Variants in ALCAM observed in about 807,000 individuals in gnomAD.
The protein encoded by ALCAM is activated leukocyte cell adhesion molecule, also known as CD166 antigen.
A neutral mutation model predicts 70.9 loss-of-function variants in ALCAM; 30 were observed. The ratio of observed to expected loss-of-function variants is 0.42; its 90% CI spans 0.32 to 0.57. The LOEUF (loss-of-function observed/expected upper bound fraction) is 0.57. ALCAM is among the 20% of genes least tolerant of loss of function. The pLI is 0.11. For synonymous variants in ALCAM, 249 were observed against 242.5 expected, an observed-to-expected ratio of 1.03 and a Z score of -0.25; for missense variants, 591 against 695.1, an observed-to-expected ratio of 0.85 and a Z score of 1.68.
chr3:105,528,697 T>C (rs1259507337), intron 3 of ALCAM, among the ~76,000 whole-genome samples: 1 of 151,918 alleles, frequency 6.6e-6, no homozygotes, highest in Non-Finnish European at 1.5e-5. Context: ...CATGGGCACA[T>C]AGAGGAGAAC....
Position 105,575,240 on chromosome 3 carries a change from G to C in ALCAM, c.*789G>C, listed in dbSNP as rs2152637090. 1 of 152,664 alleles carries C rather than the reference G, an allele frequency of 6.6e-6. No individual in the cohort carries two copies. The highest frequency in any genetic ancestry group is 1.5e-5 in the Non-Finnish European group (1 of 67,996). The allele number at this position is 152,664 out of a possible 1,614,324, so 9.5% of individuals were successfully genotyped here. A position where few individuals can be genotyped will look rare whatever the true frequency, so the allele number is the denominator to read the frequency against. ...TTTTCTGTCAAAAGAAAAAACACAA[G>C]CATGTGTGAGAGACAGTTTGGAAAA... On this transcript the variant is annotated 3_prime_UTR_variant, in exon 16 of 16. Coordinates refer to ENST00000306107, the MANE Select transcript of ALCAM (RefSeq NM_001627.4).
rs933876582 is a variant in ALCAM at position 105,393,544 on chromosome 3, A to T, written c.73+26063A>T. 2.0e-4 allele frequency among the ~76,000 whole-genome samples: 31 copies of T among 152,016 alleles called. 2 individuals are homozygous for T. Among genetic ancestry groups the T allele is most frequent in the Admixed American group, 2.0e-3 (31 of 15,232 alleles). On this transcript the variant is annotated intron_variant, in intron 1 of 15. Transcript: ENST00000306107. ...GAGAAGTATTTCCTAAATTCTTGTG[A>T]TCCAGATAATTAGACCACAACCAAA...
At chr3:105,428,835 C>G (rs1186610396) in intron 1 of ALCAM, among the ~76,000 whole-genome samples, 1 of 151,858 alleles carries the variant, frequency 6.6e-6, no homozygotes, top group Non-Finnish European at 1.5e-5. Context: ...TGCTACTAGC[C>G]TGGAATTGGT....
intron 1 of ALCAM, among the ~76,000 whole-genome samples, chr3:105,513,838 G>T (rs1302714780): frequency 6.6e-6 from 1 of 152,060 alleles, no homozygotes; most frequent in South Asian, 2.1e-4. Context: ...GAAATTTTAT[G>T]TGCGCTTATG....
chr3:105,486,556 G>A (rs1938433144), intron 1 of ALCAM, among the ~76,000 whole-genome samples: 1 of 152,016 alleles, frequency 6.6e-6, no homozygotes, highest in South Asian at 2.1e-4. Context: ...ATTAGCTTTT[G>A]TTTTTAAAAA....
chr3:105,370,212 C>G (rs1559767784), intron 1 of ALCAM, among the ~76,000 whole-genome samples: 2 of 152,174 alleles, frequency 1.3e-5, no homozygotes, highest in Non-Finnish European at 2.9e-5. Flanking sequence ...AAAGCATCAA[C>G]TCAAATAATG....
At chr3:105,543,465 A>G (rs901680847) in intron 8 of ALCAM, among the ~76,000 whole-genome samples, 1 of 151,732 alleles carries the variant, frequency 6.6e-6, no homozygotes, top group Non-Finnish European at 1.5e-5. Context: ...ATGGAAACAT[A>G]AAAATCCTAT....
At chr3:105,556,851 C>T (rs1029869205) in intron 14 of ALCAM, among the ~76,000 whole-genome samples, 4 of 152,048 alleles carry the variant, frequency 2.6e-5, no homozygotes, top group African/African-American at 4.8e-5. Context: ...ACTTAAAGCA[C>T]ATTTTAAGTG....
intron 1 of ALCAM, among the ~76,000 whole-genome samples, chr3:105,401,418 A>G (rs1287708621): frequency 6.6e-6 from 1 of 152,204 alleles, no homozygotes; most frequent in African/African-American, 2.4e-5. Flanking sequence ...GTTCAGGAGA[A>G]GATAATAGTC....
intron 1 of ALCAM, among the ~76,000 whole-genome samples, chr3:105,451,846 GC>G (rs1937436433): frequency 6.6e-6 from 1 of 152,076 alleles, no homozygotes; most frequent in South Asian, 2.1e-4. Context: ...TAATTTAAAA[GC>G]TTTTAGGACA....
chr3:105,404,315 A>C (rs993990053), intron 1 of ALCAM, among the ~76,000 whole-genome samples: 5 of 152,144 alleles, frequency 3.3e-5, no homozygotes, highest in African/African-American at 1.2e-4. Context: ...AAAAGAAAGA[A>C]TCTTAAGAGC....
chr3:105,525,548 G>C (rs149095687), intron 3 of ALCAM, among the ~76,000 whole-genome samples: 2 of 152,162 alleles, frequency 1.3e-5, no homozygotes, highest in East Asian at 3.9e-4. Flanking sequence ...ACTTGACAGC[G>C]CTTAGAAATT....
intron 1 of ALCAM, among the ~76,000 whole-genome samples, chr3:105,490,158 T>G (rs1350358922): frequency 6.6e-6 from 1 of 152,204 alleles, no homozygotes; most frequent in Non-Finnish European, 1.5e-5. Flanking sequence ...TTGTTGAGAG[T>G]TTCTAGGTTG....
Position 105,376,945 on chromosome 3 carries a change from T to C in ALCAM, c.73+9464T>C, listed in dbSNP as rs377108777. Among the ~76,000 whole-genome samples the C allele has an allele frequency of 9.2e-5, 14 of 152,258 alleles. No individual in the cohort carries two copies. In the East Asian group the frequency reaches 2.5e-3, roughly 27 times the overall value. On this transcript the variant is annotated intron_variant, in intron 1 of 15. Transcript: ENST00000306107. The stretch of plus-strand genomic sequence containing the variant: ...AAAACCAAGGATTCCTTGAAGTTGT[T>C]CAAATACTTTCCTGCAATCTCCCTA...
chr3:105,412,267 C>A (rs569316642), intron 1 of ALCAM, among the ~76,000 whole-genome samples: 4 of 152,146 alleles, frequency 2.6e-5, no homozygotes, highest in South Asian at 4.1e-4. Context: ...GTCTTAATAA[C>A]CTTGAAGACT....
At chr3:105,447,939 T>C (rs1937336651) in intron 1 of ALCAM, among the ~76,000 whole-genome samples, 1 of 152,180 alleles carries the variant, frequency 6.6e-6, no homozygotes, top group Non-Finnish European at 1.5e-5. Flanking sequence ...ACAAGCAAGA[T>C]ACTAGAGGTT....
Position 105,550,161 on chromosome 3 carries a change from A to G in ALCAM, c.1409A>G (p.Tyr470Cys). The G allele has an allele frequency of 6.3e-7, 1 of 1,599,690 alleles. No homozygotes were observed. Among genetic ancestry groups the G allele is most frequent in the East Asian group, 2.2e-5 (1 of 44,610 alleles). The change falls in exon 12 of 16, where the codon TAT becomes TGT. Residue 470 changes from tyrosine (Y) to cysteine (C), a missense_variant. Transcript: ENST00000306107. ...TCTCCTTATATTAATGGCAGGTATT[A>G]TAGTAAAATTATCATTTCCCCTGAA... is the stretch of plus-strand genomic sequence containing the variant. Reference protein sequence around the residue: ...EESPYINGRYYSKIIISPEEN... With the variant: ...EESPYINGRYCSKIIISPEEN...
chr3:105,555,232 CA>C (rs1940490992), intron 14 of ALCAM, among the ~76,000 whole-genome samples: 1 of 151,968 alleles, frequency 6.6e-6, no homozygotes, highest in Non-Finnish European at 1.5e-5. Flanking sequence ...TCTGAACATT[CA>C]TCTAAATAAC....
At chr3:105,567,436 T>A (rs1372866254) in intron 14 of ALCAM, among the ~76,000 whole-genome samples, 1 of 152,136 alleles carries the variant, frequency 6.6e-6, no homozygotes, top group Admixed American at 6.6e-5. Flanking sequence ...TGCTCACTTT[T>A]TTTTTTTCCA....
Sources: allele counts gnomAD v4.1 joint callset (sites outside exome capture counted in the v4.1 genomes callset), GRCh38; gene constraint gnomAD v4.1.1; transcripts MANE v1.5; gene names NCBI Gene and HGNC (gene_info 2026-07-23, HGNC 2026-07-21).